ZNF521: variants seen among roughly 807,000 people sequenced by gnomAD.
ZNF521 encodes the protein zinc finger protein 521, also known as LYST-interacting protein 3.
A neutral mutation model predicts 105.5 loss-of-function variants in ZNF521; 14 were observed. That is an observed-to-expected ratio of 0.13 (90% CI 0.09 to 0.21). The LOEUF is 0.21. ZNF521 is among the 10% of genes least tolerant of loss of function. ZNF521 has a pLI of 1.00. For synonymous variants in ZNF521, 635 were observed against 606.0 expected (o/e 1.05, Z -0.70); for missense variants, 1,233 against 1,629.7 (o/e 0.76, Z 4.19).
intron 5 of ZNF521, among the ~76,000 whole-genome samples, chr18:25,190,121 T>A (rs1399327792): frequency 6.6e-6 from 1 of 152,180 alleles, no homozygotes; most frequent in Non-Finnish European, 1.5e-5. Flanking sequence ...TAGCTTTCTG[T>A]TACCATTAAA....
At chr18:25,271,084 C>T (rs1909628260) in intron 3 of ZNF521, among the ~76,000 whole-genome samples, 1 of 152,212 alleles carries the variant, frequency 6.6e-6, no homozygotes, top group Admixed American at 6.5e-5. Context: ...TCTCAGGATA[C>T]AAAATCAATT....
intron 3 of ZNF521, among the ~76,000 whole-genome samples, chr18:25,321,691 C>G (rs2145145896): frequency 6.6e-6 from 1 of 152,238 alleles, no homozygotes; most frequent in African/African-American, 2.4e-5. Context: ...AAAAGGTATT[C>G]AAAGGATTTT....
intron 3 of ZNF521, among the ~76,000 whole-genome samples, chr18:25,240,368 GAAAAACAACAACAAC>G (rs1447215927): frequency 6.6e-6 from 1 of 151,890 alleles, no homozygotes; most frequent in African/African-American, 2.4e-5. Context: ...CATCTATAAG[GAAAAACAACAACAAC>G]AAAAACAACA....
chr18:25,332,682 A>G lies in ZNF521; in HGVS notation c.41-10495T>C, dbSNP rs569456294. Among the ~76,000 whole-genome samples the G allele has an allele frequency of 2.2e-4, 33 of 152,336 alleles. 1 individual carries two copies. In the South Asian group the frequency reaches 6.8e-3, roughly 32 times the overall value. On this transcript the variant is annotated intron_variant, in intron 2 of 7. Transcript: ENST00000361524. The stretch of plus-strand genomic sequence containing the variant: ...CTGCACTTTTCATTTCCTAGGACAC[A>G]AAATAATTCCTTAGGTGTCCATATG...
At chr18:25,197,617 A>C (rs1446310280) in intron 4 of ZNF521, among the ~76,000 whole-genome samples, 3 of 151,746 alleles carry the variant, frequency 2.0e-5, no homozygotes, top group Non-Finnish European at 4.4e-5. Context: ...TTGGAGGTAA[A>C]TTTATTCCAC....
Position 25,124,938 on chromosome 18 carries a change from G to A in ZNF521, c.3659-32857C>T, listed in dbSNP as rs560722207. 2.0e-4 allele frequency among the ~76,000 whole-genome samples: 31 copies of A among 152,214 alleles called. No individual in the cohort carries two copies. In the East Asian group the frequency reaches 5.6e-3, roughly 27 times the overall value. On this transcript the variant is annotated intron_variant, in intron 5 of 7. Transcript: ENST00000361524. ...GTTCTACTTCAAGTAGTTTTATATT[G>A]CTTATGGAAGTGTTATTATGGCATT... is the stretch of plus-strand genomic sequence containing the variant.
At position 25,226,425 on chromosome 18, in the gene ZNF521, C is replaced by T. The variant is rs1308128734; in HGVS notation, c.1493G>A (p.Cys498Tyr). The T allele has an allele frequency of 6.2e-7, 1 of 1,614,126 alleles. No homozygotes were observed. The highest frequency in any genetic ancestry group is 8.5e-7 in the Non-Finnish European group (1 of 1,180,016). Residue 498 changes from cysteine to tyrosine, a missense_variant, in exon 4 of 8, where the codon TGT becomes TAT. Physicochemically the swap from Cys to Tyr is radical, Grantham distance 194. This residue lies in a region of ZNF521 where 380 missense variants were observed against 478.0 expected (regional missense o/e 0.80). Coordinates refer to ENST00000361524, the MANE Select transcript of ZNF521 (RefSeq NM_015461.3). This position sits in a 1 kb window ranked among gnomAD's most constrained non-coding sequence, Gnocchi z 4.1. ...TGCAGGGTTTGCAAATCCATGAGAA[C>T]ATCGGATGTGTTCCTGAAGAGTGTT... ...DLNTLQEHIR[C>Y]SHGFANPAAK...
intron 5 of ZNF521, among the ~76,000 whole-genome samples, chr18:25,108,920 T>G (rs2034128205): frequency 6.6e-6 from 1 of 152,184 alleles, no homozygotes; most frequent in South Asian, 2.1e-4. Context: ...CCACTGCACC[T>G]GGCTAGATTT....
intron 3 of ZNF521, among the ~76,000 whole-genome samples, chr18:25,261,806 A>G (rs1483206786): frequency 6.6e-6 from 1 of 152,100 alleles, no homozygotes; most frequent in East Asian, 1.9e-4. Flanking sequence ...GCTCTGCTGA[A>G]AGTCCTATAT....
rs147230839 is a variant in ZNF521 at position 25,141,012 on chromosome 18, A to C, written c.3659-48931T>G. On this transcript the variant is annotated intron_variant, in intron 5 of 7. Coordinates refer to ENST00000361524, the MANE Select transcript of ZNF521 (RefSeq NM_015461.3). ...AATCCAAAGGCACTCTCGCTTCTTC[A>C]AGAAATCTTCAAACAGACCCATTAC... 1.2e-3 allele frequency among the ~76,000 whole-genome samples: 183 copies of C among 152,322 alleles called. 1 individual carries two copies. The highest frequency in any genetic ancestry group is 3.9e-3 in the African/African-American group (161 of 41,586).
At chr18:25,342,210 T>A (rs920519541) in intron 2 of ZNF521, among the ~76,000 whole-genome samples, 1 of 152,150 alleles carries the variant, frequency 6.6e-6, no homozygotes, top group Non-Finnish European at 1.5e-5. Flanking sequence ...CCCACAGTTC[T>A]TCTTAACCCT....
intron 5 of ZNF521, among the ~76,000 whole-genome samples, chr18:25,186,242 T>C (rs2035720310): frequency 6.6e-6 from 1 of 152,212 alleles, no homozygotes; most frequent in Non-Finnish European, 1.5e-5. Flanking sequence ...ACTCTCAAGT[T>C]TCTGGTTATC....
In ZNF521 at chr18:25,322,170, C is replaced by T. The variant is rs139776870; in HGVS notation, c.58G>A (p.Glu20Lys). 6.2e-7 allele frequency: 1 copy of T among 1,614,134 alleles called. No homozygotes were observed. Among genetic ancestry groups the T allele is most frequent in the East Asian group, 2.2e-5 (1 of 44,882 alleles). Reference protein sequence around the residue: ...RSLKDPNCKLEDKTEDGEALD... With the variant: ...RSLKDPNCKLKDKTEDGEALD... ...GCCTCTCCATCTTCAGTCTTGTCTT[C>T]AAGTTTACAGTTGGGGTCTGAAAAA... The change falls in exon 3 of 8, where the codon GAA (glutamate) becomes AAA (lysine). Residue 20 changes from glutamate (E) to lysine (K), a missense_variant. Glu to Lys is a moderately conservative substitution (Grantham distance 56). Coordinates refer to ENST00000361524, the MANE Select transcript of ZNF521 (RefSeq NM_015461.3).
intron 5 of ZNF521, among the ~76,000 whole-genome samples, chr18:25,166,850 A>G (rs1360238210): frequency 6.6e-6 from 1 of 152,234 alleles, no homozygotes; most frequent in Admixed American, 6.5e-5. Flanking sequence ...CTGTATGATT[A>G]CTGGTGCAGT....
chr18:25,164,689 A>G (rs1188976588), intron 5 of ZNF521, among the ~76,000 whole-genome samples: 2 of 152,162 alleles, frequency 1.3e-5, no homozygotes, highest in Non-Finnish European at 2.9e-5. Context: ...ACTATGTGTG[A>G]AAAAGGAAGG....
intron 3 of ZNF521, among the ~76,000 whole-genome samples, chr18:25,252,491 G>A (rs993058236): frequency 1.3e-5 from 2 of 150,928 alleles, no homozygotes; most frequent in Admixed American, 6.6e-5. Context: ...AATACTTCAC[G>A]GAAAAATACA....
chr18:25,325,417 T>C (rs1329250097), intron 2 of ZNF521, among the ~76,000 whole-genome samples: 8 of 152,172 alleles, frequency 5.3e-5, no homozygotes, highest in Admixed American at 4.6e-4. Flanking sequence ...CATTCAAACC[T>C]CTGACTTCAA....
intron 2 of ZNF521, among the ~76,000 whole-genome samples, chr18:25,325,843 T>C (rs111523144): frequency 3.3e-5 from 5 of 152,366 alleles, no homozygotes; most frequent in African/African-American, 7.2e-5. Flanking sequence ...ACATTACTTA[T>C]AAATAGGAAT....
At chr18:25,341,569 T>G (rs954592332) in intron 2 of ZNF521, among the ~76,000 whole-genome samples, 14 of 152,350 alleles carry the variant, frequency 9.2e-5, no homozygotes, top group African/African-American at 3.4e-4. Context: ...CTATATATTG[T>G]GCTTAGTTGT....
Sources: gnomAD v4.1 joint callset for allele counts (sites outside exome capture counted in the v4.1 genomes callset) on GRCh38, gnomAD v4.1.1 for gene constraint, gnomAD v4.1.1 regional missense constraint, Gnocchi (gnomAD v3.1) non-coding constraint, MANE v1.5 for transcripts, NCBI Gene and HGNC (gene_info 2026-07-23, HGNC 2026-07-21) for gene names.